PITPNC1: variants seen among roughly 807,000 people sequenced by gnomAD.
PITPNC1 encodes the protein phosphatidylinositol transfer protein cytoplasmic 1, also known as cytoplasmic phosphatidylinositol transfer protein 1.
PITPNC1 carries 18 observed loss-of-function variants against 44.7 expected under a neutral mutation model. That is an observed-to-expected ratio of 0.40 (90% CI 0.28 to 0.60). PITPNC1 has a LOEUF of 0.60. Ranked by LOEUF, PITPNC1 falls within the 20% of genes least tolerant of loss-of-function variation. PITPNC1 has a pLI of 0.39. For missense variants in PITPNC1, 290 were observed against 418.4 expected (o/e 0.69, Z 2.68); for synonymous variants, 141 against 149.6 (o/e 0.94, Z 0.42).
intron 7 of PITPNC1, 117 bp from the exon 8 acceptor site, chr17:67,675,362 G>T (rs2042583507): frequency 1.3e-6 from 1 of 763,314 alleles, no homozygotes. Context: ...ATCACCTATG[G>T]ACAGAGGGAT....
At chr17:67,495,043 T>TGTTTG (rs1568013467) in intron 1 of PITPNC1, among the ~76,000 whole-genome samples, 3 of 62,116 alleles carry the variant, frequency 4.8e-5, no homozygotes, top group Non-Finnish European at 9.2e-5. Flanking sequence ...TGGAGTTGTT[T>TGTTTG]TTTTTTTTGT....
intron 6 of PITPNC1, among the ~76,000 whole-genome samples, chr17:67,657,156 G>T (rs544527161): frequency 2.7e-5 from 4 of 146,068 alleles, no homozygotes; most frequent in Non-Finnish European, 4.5e-5. Flanking sequence ...CCCCACCCCC[G>T]TTTTTTTTGT....
chr17:67,612,655 C>CTGGGTGGATGGATGGGCGGA (rs2041701939), intron 5 of PITPNC1: 1 of 150,742 alleles, frequency 6.6e-6, no homozygotes, highest in South Asian at 2.1e-4. Context: ...TGGGGTGTGG[C>CTGGGTGGATGGATGGGCGGA]TGGGTGGATG....
At chr17:67,489,868 C>G (rs865839280) in intron 1 of PITPNC1, among the ~76,000 whole-genome samples, 3 of 152,044 alleles carry the variant, frequency 2.0e-5, no homozygotes, top group Non-Finnish European at 4.4e-5. Context: ...CTTAGCCTCC[C>G]GAGTAGCTGG....
intron 6 of PITPNC1, among the ~76,000 whole-genome samples, chr17:67,666,493 T>C (rs2042424301): frequency 1.3e-5 from 2 of 152,190 alleles, no homozygotes; most frequent in Non-Finnish European, 2.9e-5. Flanking sequence ...CCGGAAAAGA[T>C]GCCAGAAAAA....
chr17:67,694,782 A>G lies in PITPNC1; in HGVS notation c.*1894A>G, dbSNP rs1205996664. On this transcript the variant is annotated 3_prime_UTR_variant, in exon 9 of 9. Transcript: ENST00000581322. ...GTGGGAAAACCTAATATTTTATCAGACCCCTCGGACTTCTCAATCCCTCCC... is the reference window on the plus strand; with the variant it reads ...GTGGGAAAACCTAATATTTTATCAGGCCCCTCGGACTTCTCAATCCCTCCC... The G allele has an allele frequency of 6.6e-6, 1 of 151,976 alleles. No homozygotes were observed. The highest frequency in any genetic ancestry group is 2.4e-5 in the African/African-American group (1 of 41,370). The allele number at this position is 151,976 out of a possible 1,614,324, so 9.4% of individuals were successfully genotyped here.
rs111942868 is a variant in PITPNC1 at position 67,490,152 on chromosome 17, G to A, written c.49-42650G>A. Among the ~76,000 whole-genome samples, 690 of 90,032 alleles carry A rather than the reference G, an allele frequency of 7.7e-3. 7 individuals carry two copies. Among genetic ancestry groups the A allele is most frequent in the African/African-American group, 0.027 (648 of 23,582 alleles). 59.1% of individuals were successfully genotyped at this position (90,032 alleles called of 152,430 possible). A position where few individuals can be genotyped will look rare whatever the true frequency, so the allele number is the denominator to read the frequency against. On this transcript the variant is annotated intron_variant, in intron 1 of 8. Coordinates refer to ENST00000581322, the MANE Select transcript of PITPNC1 (RefSeq NM_012417.4). ...TGTGTGTGTGTGTGTGTGTGTGTGT[G>A]TGTGTGTGTTTTAATTAACGAGGAT... is the stretch of plus-strand genomic sequence containing the variant.
At position 67,438,735 on chromosome 17, in the gene PITPNC1, C is replaced by A. The variant is rs551197506; in HGVS notation, c.48+60533C>A. On this transcript the variant is annotated intron_variant, in intron 1 of 8. Coordinates refer to ENST00000581322, the MANE Select transcript of PITPNC1 (RefSeq NM_012417.4). Reference sequence around the variant, plus strand: ...CCTCTCTTTTAAATGTTCATTAGGTCAAATTAGAACTGAAGAAGCAACCCT... The same window carrying A: ...CCTCTCTTTTAAATGTTCATTAGGTAAAATTAGAACTGAAGAAGCAACCCT... 3.3e-5 allele frequency among the ~76,000 whole-genome samples: 5 copies of A among 152,318 alleles called. No individual in the cohort carries two copies. The South Asian group carries it at 1.0e-3, about 32-fold the overall frequency.
Position 67,696,387 on chromosome 17 carries a change from AG to A in PITPNC1, c.*3501del, listed in dbSNP as rs370705063. ...CATGGCTCAGCGACAACAAAGTAAT[AG>A]GTCATTGGCTGGCTTACGTCGATAG... On this transcript the variant is annotated 3_prime_UTR_variant, in exon 9 of 9. Coordinates refer to ENST00000581322, the MANE Select transcript of PITPNC1 (RefSeq NM_012417.4). 59 of 152,342 alleles carry A rather than the reference AG, an allele frequency of 3.9e-4. No individual in the cohort carries two copies. The highest frequency in any genetic ancestry group is 1.3e-3 in the African/African-American group (55 of 41,576). 9.4% of individuals were successfully genotyped at this position (152,342 alleles called of 1,614,324 possible). A position where few individuals can be genotyped will look rare whatever the true frequency, so the allele number is the denominator to read the frequency against.
chr17:67,621,605 C>T (rs1305086605), intron 5 of PITPNC1, among the ~76,000 whole-genome samples: 1 of 152,084 alleles, frequency 6.6e-6, no homozygotes, highest in Non-Finnish European at 1.5e-5. Context: ...AAATCATAGC[C>T]CCTTTGAGAG....
chr17:67,619,559 C>G (rs2041803674), intron 5 of PITPNC1, among the ~76,000 whole-genome samples: 3 of 152,178 alleles, frequency 2.0e-5, no homozygotes, highest in Non-Finnish European at 4.4e-5. Context: ...CTAGCCAACT[C>G]TGTGTGTGCC....
At chr17:67,443,886 C>G (rs2039054505) in intron 1 of PITPNC1, among the ~76,000 whole-genome samples, 1 of 152,060 alleles carries the variant, frequency 6.6e-6, no homozygotes, top group Admixed American at 6.6e-5. Context: ...CTGCCTGCCT[C>G]AGCCTCCCAA....
chr17:67,537,760 A>G (rs1208388557), intron 2 of PITPNC1, among the ~76,000 whole-genome samples: 1 of 152,108 alleles, frequency 6.6e-6, no homozygotes, highest in African/African-American at 2.4e-5. Flanking sequence ...TCATGAGGTC[A>G]GGAGATTGAG....
At chr17:67,392,406 A>T (rs763658048) in intron 1 of PITPNC1, among the ~76,000 whole-genome samples, 1 of 152,144 alleles carries the variant, frequency 6.6e-6, no homozygotes, top group Non-Finnish European at 1.5e-5. Context: ...CTGCATGTGG[A>T]CTAAAATAAT....
chr17:67,584,799 C>T (rs1481322446), intron 5 of PITPNC1, among the ~76,000 whole-genome samples: 2 of 152,100 alleles, frequency 1.3e-5, no homozygotes, highest in Non-Finnish European at 2.9e-5. Context: ...GGAGAAGGAT[C>T]GGGGATACAG....
intron 1 of PITPNC1, among the ~76,000 whole-genome samples, chr17:67,436,112 C>T (rs1007848190): frequency 2.6e-5 from 4 of 151,972 alleles, no homozygotes; most frequent in African/African-American, 9.7e-5. Context: ...CCTGCTTCAG[C>T]CTCCCAAGTA....
At chr17:67,425,037 T>G (rs1255223229) in intron 1 of PITPNC1, among the ~76,000 whole-genome samples, 3 of 152,018 alleles carry the variant, frequency 2.0e-5, no homozygotes, top group Admixed American at 1.3e-4. Flanking sequence ...GAATGTACTT[T>G]GTGAGATCCA....
intron 5 of PITPNC1, among the ~76,000 whole-genome samples, chr17:67,591,846 A>G (rs1356909965): frequency 6.6e-6 from 1 of 151,486 alleles, no homozygotes; most frequent in Non-Finnish European, 1.5e-5. Flanking sequence ...AGTAGCTGGG[A>G]CTACAGGAGC....
intron 1 of PITPNC1, among the ~76,000 whole-genome samples, chr17:67,387,882 C>T (rs937932829): frequency 1.3e-5 from 2 of 152,072 alleles, no homozygotes; most frequent in African/African-American, 4.8e-5. Flanking sequence ...TTTTTTCACA[C>T]TAAGTCTTTG....
Sources: gnomAD v4.1 joint callset for allele counts (sites outside exome capture counted in the v4.1 genomes callset) on GRCh38, gnomAD v4.1.1 for gene constraint, MANE v1.5 for transcripts, NCBI Gene and HGNC (gene_info 2026-07-23, HGNC 2026-07-21) for gene names.